Variants in TPCN2 observed in about 807,000 individuals in gnomAD.
The protein encoded by TPCN2 is two pore segment channel 2.
A neutral mutation model predicts 111.4 loss-of-function variants in TPCN2; 92 were observed. The ratio of observed to expected loss-of-function variants is 0.83; its 90% CI spans 0.70 to 0.98. The LOEUF is 0.98. TPCN2 is among the 50% of genes least tolerant of loss of function. The pLI, the probability that TPCN2 is intolerant of heterozygous loss-of-function variation, is 0.00. For synonymous variants in TPCN2, 405 were observed against 414.5 expected (o/e 0.98, Z 0.28); for missense variants, 995 against 980.1 (o/e 1.02, Z -0.20).
At chr11:69,079,436 C>A in intron 16 of TPCN2, 1 of 281,840 alleles carries the variant, frequency 3.5e-6, no homozygotes, top group Non-Finnish European at 6.7e-6. Context: ...CTTCCTTTCC[C>A]CAGACCCAGT....
Position 69,049,802 on chromosome 11 carries a change from G to C in TPCN2, c.109+696G>C, listed in dbSNP as rs1306049739. On this transcript the variant is annotated intron_variant, in intron 1 of 24. Transcript: ENST00000294309. ...CTGAAGATTGCTGAATCCGCCCCCC[G>C]AGGGTGGGGTGCGTCCGCCCCTCGC... Among the ~76,000 whole-genome samples the C allele has an allele frequency of 1.3e-5, 2 of 152,104 alleles. 1 individual carries two copies. The highest frequency in any genetic ancestry group is 2.9e-5 in the Non-Finnish European group (2 of 68,018).
intron 4 of TPCN2, among the ~76,000 whole-genome samples, chr11:69,057,147 G>A (rs1049790826): frequency 6.6e-6 from 1 of 152,218 alleles, no homozygotes; most frequent in Non-Finnish European, 1.5e-5. Context: ...GGACTTTCTT[G>A]ATGGTGGGAA....
At chr11:69,061,093 T>G (rs1352421097) in intron 5 of TPCN2, among the ~76,000 whole-genome samples, 1 of 152,232 alleles carries the variant, frequency 6.6e-6, no homozygotes, top group African/African-American at 2.4e-5. Flanking sequence ...TCTCTTGTCC[T>G]CTGAGACCCC....
chr11:69,071,261 G>A (rs1327229466), intron 9 of TPCN2, 95 bp from the exon 10 acceptor site: 15 of 919,660 alleles, frequency 1.6e-5, no homozygotes, highest in South Asian at 1.1e-4. Flanking sequence ...GATAGGGGAC[G>A]CCCCCGGCGC....
chr11:69,078,348 T>C (rs1855875556), intron 13 of TPCN2, 134 bp from the exon 14 acceptor site: 10 of 1,144,410 alleles, frequency 8.7e-6, no homozygotes, highest in Non-Finnish European at 1.1e-5. Context: ...GATTATTTCC[T>C]GTGGCTGGAT....
chr11:69,072,080 C>A, intron 11 of TPCN2, 57 bp downstream of exon 11: 1 of 1,479,708 alleles, frequency 6.8e-7, no homozygotes, highest in Non-Finnish European at 9.3e-7. Context: ...GGCTGCTGGG[C>A]AGGGGCCGGG....
intron 1 of TPCN2, among the ~76,000 whole-genome samples, chr11:69,049,406 C>T (rs1861112539): frequency 6.6e-6 from 1 of 152,242 alleles, no homozygotes; most frequent in South Asian, 2.1e-4. Flanking sequence ...GGGAACCGGC[C>T]ACCTGCGGCA....
In TPCN2 at chr11:69,063,977, C is replaced by T. The variant is rs1378263806; in HGVS notation, c.726+10C>T. The T allele has an allele frequency of 1.2e-6, 2 of 1,613,732 alleles. No individual in the cohort carries two copies. The highest frequency in any genetic ancestry group is 3.3e-5 in the Admixed American group (2 of 59,988). ...GTTCGCTGGTGGGAAGGTAGGGCAC[C>T]CGTGGTCAGGGTCTGGGAATGGGGC... On this transcript the variant is annotated intron_variant, in intron 7 of 24. Transcript: ENST00000294309.
At chr11:69,057,718 A>G (rs1854836593) in intron 5 of TPCN2, 24 bp downstream of exon 5, 4 of 1,605,560 alleles carry the variant, frequency 2.5e-6, no homozygotes, top group Middle Eastern at 1.6e-4. Context: ...CAGCCCTGAG[A>G]CAGATGGAGA....
chr11:69,084,985 C>A, intron 19 of TPCN2: 1 of 295,532 alleles, frequency 3.4e-6, no homozygotes, highest in Non-Finnish European at 5.0e-6. Context: ...CCCTTAGGAG[C>A]TCCATGACCA....
chr11:69,078,943 GT>G lies in TPCN2; in HGVS notation c.1463del (p.Val488AlafsTer56), dbSNP rs1429921711. ...VYYLLEMLLK[V>X]FALGLRGYLS... ...CTACCTGTTGGAGATGCTGCTCAAG[GT>G]CTTTGCCCTGGGCCTGCGAGGGTAC... On this transcript the variant is annotated frameshift_variant, in exon 16 of 25. Coordinates refer to ENST00000294309, the MANE Select transcript of TPCN2 (RefSeq NM_139075.4). LOFTEE classifies it high-confidence loss of function. 1 of 1,613,962 alleles carries G rather than the reference GT, an allele frequency of 6.2e-7. No individual in the cohort carries two copies. Among genetic ancestry groups the G allele is most frequent in the Admixed American group, 1.7e-5 (1 of 59,994 alleles).
rs759018257 is a variant in TPCN2, at chr11:69,054,700, CAT to C, written c.175-20_175-19del. 41 of 1,613,228 alleles carry C rather than the reference CAT, an allele frequency of 2.5e-5. No homozygotes were observed. Among genetic ancestry groups the C allele is most frequent in the East Asian group, 1.3e-4 (6 of 44,862 alleles). ...CCCTGCATGCACCCATGTCATGCCT[CAT>C]GTGACTTTTCGCTTGTAGTACCGCT... On this transcript the variant is annotated intron_variant, in intron 2 of 24. Coordinates refer to ENST00000294309, the MANE Select transcript of TPCN2 (RefSeq NM_139075.4).
intron 2 of TPCN2, 94 bp downstream of exon 2, chr11:69,054,191 T>TC: frequency 1.0e-6 from 1 of 986,678 alleles, no homozygotes. Flanking sequence ...GTCCAAGGCC[T>TC]CCATTGCTGG....
Position 69,072,928 on chromosome 11 carries a change from A to C in TPCN2, c.1157A>C (p.Tyr386Ser). Reference protein sequence around the residue: ...KQAMMEKVRSYGSVLLSAEEF... With the variant: ...KQAMMEKVRSSGSVLLSAEEF... ...CTTCCTGTGCAGAAGGTGCGTTCCT[A>C]TGGCAGTGTTCTGCTCTCAGCTGAG... The change falls in exon 13 of 25, where the codon TAT becomes TCT. Residue 386 changes from tyrosine (Y) to serine (S), a missense_variant. Coordinates refer to ENST00000294309, the MANE Select transcript of TPCN2 (RefSeq NM_139075.4). The C allele has an allele frequency of 5.6e-6, 9 of 1,613,018 alleles. No individual in the cohort carries two copies. The highest frequency in any genetic ancestry group is 6.8e-6 in the Non-Finnish European group (8 of 1,179,076).
At chr11:69,073,534 G>A (rs1855627777) in intron 13 of TPCN2, among the ~76,000 whole-genome samples, 1 of 152,240 alleles carries the variant, frequency 6.6e-6, no homozygotes, top group African/African-American at 2.4e-5. Flanking sequence ...ACAGGGATGG[G>A]GCAGAGAGGT....
rs770971452 is a variant in TPCN2 at position 69,083,957 on chromosome 11, G to A, written c.1702G>A (p.Val568Met). Residue 568 changes from valine to methionine, a missense_variant, in exon 19 of 25, where the codon GTG (valine) becomes ATG (methionine). Val to Met is a conservative substitution (Grantham distance 21). Transcript: ENST00000294309. ...TTCCTGTCCTCAGCTGATGGCCGTG[G>A]TGGCCAGTACCGTCCTGGGCCTGGT... ...IIPSMKLMAVVASTVLGLVQN... is the reference protein window; with the variant it reads ...IIPSMKLMAVMASTVLGLVQN... The A allele has an allele frequency of 9.0e-5, 146 of 1,614,044 alleles. No homozygotes were observed. The highest frequency in any genetic ancestry group is 8.3e-5 in the Admixed American group (5 of 60,004).
chr11:69,069,281 G>A (rs1221387347), intron 8 of TPCN2, among the ~76,000 whole-genome samples: 5 of 65,750 alleles, frequency 7.6e-5, no homozygotes, highest in South Asian at 6.0e-4. Context: ...ACCGCACTGG[G>A]AGCAGGACCG....
chr11:69,079,060 G>A (rs1315361781), intron 16 of TPCN2, 40 bp downstream of exon 16: 19 of 1,572,134 alleles, frequency 1.2e-5, no homozygotes, highest in Non-Finnish European at 1.6e-5. Flanking sequence ...TACTGGGCGG[G>A]TGGGTGAGCG....
At chr11:69,062,860 C>T in intron 5 of TPCN2, 24 bp from the exon 6 acceptor site, 1 of 1,610,642 alleles carries the variant, frequency 6.2e-7, no homozygotes, top group Non-Finnish European at 8.5e-7. Flanking sequence ...TGACGTGGTC[C>T]TCAGTTTCCT....
Sources: gnomAD v4.1 joint callset for allele counts (sites outside exome capture counted in the v4.1 genomes callset) on GRCh38, gnomAD v4.1.1 for gene constraint, MANE v1.5 for transcripts, NCBI Gene and HGNC (gene_info 2026-07-23, HGNC 2026-07-21) for gene names.